Variants in PCDH15 observed in about 807,000 individuals in gnomAD.
The protein encoded by PCDH15 is protocadherin related 15.
PCDH15 carries 129 observed loss-of-function variants against 178.5 expected under a neutral mutation model. That is an observed-to-expected ratio of 0.72 (90% CI 0.63 to 0.84). The LOEUF (loss-of-function observed/expected upper bound fraction) is 0.84. PCDH15 is among the 40% of genes least tolerant of loss of function. PCDH15 has a pLI of 0.00. For synonymous variants in PCDH15, 800 were observed against 732.0 expected (o/e 1.09, Z -1.50); for missense variants, 2,230 against 2,099.9 (o/e 1.06, Z -1.21).
At chr10:54,049,648 T>A (rs1174271940) in intron 18 of PCDH15, among the ~76,000 whole-genome samples, 2 of 150,218 alleles carry the variant, frequency 1.3e-5, no homozygotes, top group Non-Finnish European at 3.0e-5. Flanking sequence ...TGAGACGGAG[T>A]CTCGCTCTGT....
At chr10:55,171,462 T>C (rs1839329209) in intron 1 of PCDH15, among the ~76,000 whole-genome samples, 1 of 152,134 alleles carries the variant, frequency 6.6e-6, no homozygotes, top group African/African-American at 2.4e-5. Flanking sequence ...ATCCTTCTAG[T>C]AACTTCATTC....
At chr10:55,352,181 T>A (rs1844955556) in intron 2 of PCDH15, among the ~76,000 whole-genome samples, 1 of 152,230 alleles carries the variant, frequency 6.6e-6, no homozygotes, top group African/African-American at 2.4e-5. Flanking sequence ...TTTGAATAAA[T>A]GTGGTTATAT....
intron 2 of PCDH15, among the ~76,000 whole-genome samples, chr10:54,992,967 C>T (rs1464816078): frequency 2.0e-5 from 3 of 149,400 alleles, no homozygotes; most frequent in Non-Finnish European, 4.4e-5. Flanking sequence ...TGAAAATAGT[C>T]CAAGTAAGTC....
intron 8 of PCDH15, among the ~76,000 whole-genome samples, chr10:54,266,926 CT>C (rs1388222030): frequency 6.6e-6 from 1 of 151,788 alleles, no homozygotes; most frequent in Non-Finnish European, 1.5e-5. Context: ...CTCTAACTTA[CT>C]GTACAAAACC....
At chr10:54,412,788 C>T (rs578178072) in intron 3 of PCDH15, among the ~76,000 whole-genome samples, 1 of 152,112 alleles carries the variant, frequency 6.6e-6, no homozygotes, top group African/African-American at 2.4e-5. Flanking sequence ...GTGGCGTGAC[C>T]CCGGCTCACT....
intron 26 of PCDH15, among the ~76,000 whole-genome samples, chr10:53,871,127 A>T (rs1173827656): frequency 6.6e-6 from 1 of 151,418 alleles, no homozygotes; most frequent in Non-Finnish European, 1.5e-5. Flanking sequence ...AGGTCAGGAG[A>T]TGGAGACCAT....
intron 2 of PCDH15, among the ~76,000 whole-genome samples, chr10:54,642,960 T>C (rs1196356989): frequency 1.3e-5 from 2 of 152,224 alleles, no homozygotes; most frequent in African/African-American, 4.8e-5. Context: ...TCTCGCTCTC[T>C]GTCCCAGGCT....
intron 18 of PCDH15, among the ~76,000 whole-genome samples, chr10:54,061,006 C>G (rs964072078): frequency 1.3e-5 from 2 of 152,112 alleles, no homozygotes; most frequent in Non-Finnish European, 2.9e-5. Context: ...CTGAATGGAC[C>G]TTCACAGAAG....
chr10:54,432,345 T>C (rs1957067510), intron 3 of PCDH15, among the ~76,000 whole-genome samples: 3 of 151,824 alleles, frequency 2.0e-5, no homozygotes, highest in Admixed American at 6.5e-5. Flanking sequence ...AGTGCTACAA[T>C]AATCAAAGCA....
chr10:55,120,859 G>A (rs181332562), intron 2 of PCDH15, among the ~76,000 whole-genome samples: 1 of 152,280 alleles, frequency 6.6e-6, no homozygotes, highest in Admixed American at 6.5e-5. Context: ...CTCTGTAGGT[G>A]CATAGAGTAC....
chr10:54,455,950 C>T (rs1445030266), intron 3 of PCDH15, among the ~76,000 whole-genome samples: 2 of 152,168 alleles, frequency 1.3e-5, no homozygotes, highest in Non-Finnish European at 2.9e-5. Flanking sequence ...ATTGGGCCTG[C>T]AGGTACACAG....
chr10:54,015,740 A>ATC (rs2092720367), intron 20 of PCDH15, among the ~76,000 whole-genome samples: 1 of 152,212 alleles, frequency 6.6e-6, no homozygotes, highest in Non-Finnish European at 1.5e-5. Context: ...CACCATGTAC[A>ATC]AAAATCAACT....
At chr10:54,722,252 CA>C (rs1302533682) in intron 1 of PCDH15, among the ~76,000 whole-genome samples, 1 of 151,566 alleles carries the variant, frequency 6.6e-6, no homozygotes, top group Non-Finnish European at 1.5e-5. Context: ...AGTCAACAAC[CA>C]AAATTATGCT....
intron 15 of PCDH15, among the ~76,000 whole-genome samples, chr10:54,104,792 G>A (rs532653707): frequency 1.5e-4 from 20 of 134,926 alleles, no homozygotes; most frequent in African/African-American, 4.2e-4. Flanking sequence ...AGCCAAGATC[G>A]CGCCACTGCA....
chr10:54,407,015 C>G (rs1952771221), intron 3 of PCDH15, among the ~76,000 whole-genome samples: 1 of 152,090 alleles, frequency 6.6e-6, no homozygotes, highest in Non-Finnish European at 1.5e-5. Context: ...ATACACAAAA[C>G]TCTATGACAA....
intron 3 of PCDH15, among the ~76,000 whole-genome samples, chr10:54,450,896 A>G (rs1037501286): frequency 6.6e-6 from 1 of 151,936 alleles, no homozygotes; most frequent in Non-Finnish European, 1.5e-5. Context: ...TTCCAAAGTT[A>G]TCAGTTAGAT....
chr10:55,611,168 CA>C, intron 2 of PCDH15, among the ~76,000 whole-genome samples: 1 of 151,984 alleles, frequency 6.6e-6, no homozygotes, highest in South Asian at 2.1e-4. Context: ...AATGAGATTA[CA>C]TCAAACTAAA....
intron 2 of PCDH15, among the ~76,000 whole-genome samples, chr10:54,615,795 G>A (rs541832871): frequency 6.6e-6 from 1 of 152,206 alleles, no homozygotes; most frequent in East Asian, 1.9e-4. Context: ...CTTGAAATAT[G>A]TAGTATTTCT....
At chr10:54,373,933 A>G (rs778385137) in intron 4 of PCDH15, among the ~76,000 whole-genome samples, 7 of 152,068 alleles carry the variant, frequency 4.6e-5, no homozygotes, top group Non-Finnish European at 7.4e-5. Flanking sequence ...AAAATTGGAT[A>G]TGGTCATGGG....
Sources: gnomAD v4.1 joint callset for allele counts (sites outside exome capture counted in the v4.1 genomes callset) on GRCh38, gnomAD v4.1.1 for gene constraint, MANE v1.5 for transcripts, NCBI Gene and HGNC (gene_info 2026-07-23, HGNC 2026-07-21) for gene names.